Variants in WDR64 observed in about 807,000 individuals in gnomAD.
WDR64 encodes the protein WD repeat-containing protein 64.
Under a neutral mutation model 139.3 loss-of-function variants are expected in WDR64, and 112 were observed. The ratio of observed to expected loss-of-function variants is 0.80; its 90% CI spans 0.69 to 0.94. The LOEUF (loss-of-function observed/expected upper bound fraction) is 0.94. Among genes scored for constraint, WDR64 ranks in the 40% least tolerant of loss-of-function variants. The pLI is 0.00. For missense variants in WDR64, 1,206 were observed against 1,293.1 expected (o/e 0.93, Z 1.03); for synonymous variants, 444 against 437.7 (o/e 1.01, Z -0.18).
intron 1 of WDR64, among the ~76,000 whole-genome samples, 172 bp downstream of exon 1, chr1:241,652,801 G>A (rs1372328432): frequency 6.6e-6 from 1 of 152,224 alleles, no homozygotes; most frequent in African/African-American, 2.4e-5. Context: ...AAGCGGACAT[G>A]AGGAAGCTTT....
intron 1 of WDR64, among the ~76,000 whole-genome samples, chr1:241,659,995 T>C (rs1168278728): frequency 6.6e-6 from 1 of 152,238 alleles, no homozygotes; most frequent in Non-Finnish European, 1.5e-5. Context: ...GACTCTGTCC[T>C]GAATGGAATT....
chr1:241,706,173 C>T (rs1233914599), intron 8 of WDR64, among the ~76,000 whole-genome samples: 1 of 152,182 alleles, frequency 6.6e-6, no homozygotes, highest in Non-Finnish European at 1.5e-5. Flanking sequence ...GTACTTTGGG[C>T]TCCAGGCCTT....
At position 241,783,401 on chromosome 1, in the gene WDR64, T is replaced by C. The variant is rs2148318913; in HGVS notation, c.2705+20T>C. 6.4e-7 allele frequency: 1 copy of C among 1,572,238 alleles called. No individual in the cohort carries two copies. On this transcript the variant is annotated intron_variant, in intron 23 of 27. Transcript: ENST00000437684. ...AGTAAGGTAGGCCAAGATGGCATCA[T>C]ACTGTGAATTCAGTACTGTGAGCAT...
chr1:241,678,766 C>T (rs1210472506), intron 5 of WDR64, among the ~76,000 whole-genome samples: 1 of 145,980 alleles, frequency 6.9e-6, no homozygotes, highest in African/African-American at 2.5e-5. Flanking sequence ...TGCTTGCATG[C>T]ACTGAATACC....
intron 4 of WDR64, among the ~76,000 whole-genome samples, chr1:241,675,213 C>T (rs1196890466): frequency 1.2e-5 from 1 of 82,942 alleles, no homozygotes; most frequent in African/African-American, 5.5e-5. Flanking sequence ...CTCCCTTCCT[C>T]CCTCCCTTCT....
intron 11 of WDR64, among the ~76,000 whole-genome samples, chr1:241,740,757 C>A (rs1002828683): frequency 6.6e-6 from 1 of 151,892 alleles, no homozygotes; most frequent in Non-Finnish European, 1.5e-5. Flanking sequence ...AACCTCCCTC[C>A]GGGGTTCAAG....
chr1:241,792,325 A>G (rs1299554801), intron 25 of WDR64, among the ~76,000 whole-genome samples: 1 of 152,180 alleles, frequency 6.6e-6, no homozygotes, highest in Non-Finnish European at 1.5e-5. Flanking sequence ...TCACGAGGTC[A>G]GGAGATCGAG....
At chr1:241,757,790 T>C (rs913659774) in intron 15 of WDR64, among the ~76,000 whole-genome samples, 1 of 151,480 alleles carries the variant, frequency 6.6e-6, no homozygotes, top group African/African-American at 2.4e-5. Flanking sequence ...GGCCCACCAA[T>C]GGATTTTGAA....
At chr1:241,753,064 T>C (rs921123807) in intron 14 of WDR64, among the ~76,000 whole-genome samples, 5 of 152,088 alleles carry the variant, frequency 3.3e-5, no homozygotes, top group African/African-American at 1.2e-4. Flanking sequence ...TAAATTAACA[T>C]GGATATGAAG....
chr1:241,761,928 A>C (rs1158803164), intron 15 of WDR64, among the ~76,000 whole-genome samples: 2 of 152,158 alleles, frequency 1.3e-5, no homozygotes, highest in East Asian at 3.8e-4. Flanking sequence ...CACTTTCTCC[A>C]CTGAAGTCTT....
chr1:241,733,496 G>A (rs750557752), intron 10 of WDR64, among the ~76,000 whole-genome samples: 1 of 127,984 alleles, frequency 7.8e-6, no homozygotes, highest in Non-Finnish European at 1.7e-5. Context: ...AAAGAAAAGA[G>A]AAGAGAAGAG....
At chr1:241,668,850 A>C (rs888022039) in intron 2 of WDR64, among the ~76,000 whole-genome samples, 7 of 151,770 alleles carry the variant, frequency 4.6e-5, no homozygotes, top group Non-Finnish European at 8.8e-5. Flanking sequence ...CAGTGAGTCG[A>C]GATCACACCA....
intron 1 of WDR64, among the ~76,000 whole-genome samples, chr1:241,659,145 T>TGAGA (rs1341516829): frequency 6.6e-6 from 1 of 152,170 alleles, no homozygotes. Flanking sequence ...TACATACAAG[T>TGAGA]GAGAACATGT....
At chr1:241,784,031 G>A (rs1448729610) in intron 23 of WDR64, among the ~76,000 whole-genome samples, 1 of 152,142 alleles carries the variant, frequency 6.6e-6, no homozygotes, top group African/African-American at 2.4e-5. Context: ...AAGTATATTA[G>A]GGAATTTCAA....
chr1:241,764,673 C>T (rs1471889915), intron 15 of WDR64, among the ~76,000 whole-genome samples: 1 of 151,764 alleles, frequency 6.6e-6, no homozygotes, highest in Non-Finnish European at 1.5e-5. Context: ...AAGAAATTTA[C>T]AATGATAAAA....
At chr1:241,775,071 A>G (rs1658608502) in intron 20 of WDR64, 34 bp from the exon 21 acceptor site, 1 of 1,504,874 alleles carries the variant, frequency 6.6e-7, no homozygotes, top group Non-Finnish European at 9.0e-7. Context: ...TTACTAGCAA[A>G]GAAAAAGTTT....
rs140944449 is a variant in WDR64 at position 241,700,574 on chromosome 1, A to G, written c.975-11228A>G. ...GACAGTTTACATGGCACTATTTACT[A>G]TAATAGAATATAAGTGAGTAAGGGA... On this transcript the variant is annotated intron_variant, in intron 8 of 27. Coordinates refer to ENST00000437684, the MANE Select transcript of WDR64 (RefSeq NM_001367482.1). Among the ~76,000 whole-genome samples, 536 of 152,324 alleles carry G rather than the reference A, an allele frequency of 3.5e-3. 7 individuals carry two copies. The highest frequency in any genetic ancestry group is 0.012 in the African/African-American group (502 of 41,576).
intron 10 of WDR64, among the ~76,000 whole-genome samples, chr1:241,724,229 T>C (rs1255287103): frequency 6.6e-6 from 1 of 152,196 alleles, no homozygotes; most frequent in Non-Finnish European, 1.5e-5. Flanking sequence ...TATTTATTTA[T>C]TGCTAGTCAG....
chr1:241,655,703 T>TTC (rs1299067479), intron 1 of WDR64, among the ~76,000 whole-genome samples: 1 of 41,086 alleles, frequency 2.4e-5, no homozygotes, highest in African/African-American at 4.4e-5. Flanking sequence ...TTTTTTTCTT[T>TTC]TCTTTTTTTT....
Sources: allele counts gnomAD v4.1 joint callset (sites outside exome capture counted in the v4.1 genomes callset), GRCh38; gene constraint gnomAD v4.1.1; transcripts MANE v1.5; gene names NCBI Gene and HGNC (gene_info 2026-07-23, HGNC 2026-07-21).